The following GOT1 variants were observed in gnomAD, a reference collection of about 807,000 sequenced individuals.
The protein encoded by GOT1 is glutamic-oxaloacetic transaminase 1, also known as aspartate aminotransferase, cytoplasmic.
Under a neutral mutation model 48.2 loss-of-function variants are expected in GOT1, and 25 were observed. The ratio of observed to expected loss-of-function variants is 0.52; its 90% CI spans 0.38 to 0.72. The LOEUF (loss-of-function observed/expected upper bound fraction) is 0.72, where lower values mean the gene tolerates loss of function less well. Ranked by LOEUF, GOT1 falls within the 30% of genes least tolerant of loss-of-function variation. The probability of loss-of-function intolerance (pLI) is 0.00; values close to 1 mark genes in which losing one functional copy is unlikely to be tolerated. For synonymous variants in GOT1, 188 were observed against 193.8 expected (o/e 0.97, Z 0.25); for missense variants, 380 against 520.1 (o/e 0.73, Z 2.62).
intron 2 of GOT1, among the ~76,000 whole-genome samples, chr10:99,418,089 C>T (rs1169950655): frequency 6.6e-6 from 1 of 151,190 alleles, no homozygotes; most frequent in Non-Finnish European, 1.5e-5. Flanking sequence ...AAGAAGGGCT[C>T]AGAGCTCAAT....
rs2032620361 is a variant in GOT1 at position 99,397,838 on chromosome 10, G to A, written c.1103-152C>T. 4.4e-6 allele frequency: 3 copies of A among 684,700 alleles called. No individual in the cohort carries two copies. Among genetic ancestry groups the A allele is most frequent in the Admixed American group, 2.9e-5 (1 of 34,966 alleles). The allele number at this position is 684,700 out of a possible 1,614,324, so 42.4% of individuals were successfully genotyped here. A position where few individuals can be genotyped will look rare whatever the true frequency, so the allele number is the denominator to read the frequency against. ...CGCTATTTTGTCCAACTGACAAACAGAAAAATATGCTCACTAGATTCTGGA... is the reference window on the plus strand; with the variant it reads ...CGCTATTTTGTCCAACTGACAAACAAAAAAATATGCTCACTAGATTCTGGA... On this transcript the variant is annotated intron_variant, in intron 8 of 8. Transcript: ENST00000370508. This position sits in a 1 kb window ranked among gnomAD's most constrained non-coding sequence, Gnocchi z 5.4.
chr10:99,406,266 A>T lies in GOT1; in HGVS notation c.425-17T>A. Reference sequence around the variant, plus strand: ...TGTGATTCTCTGCATGCAAAGAAGTAAAAAGTTAAGCACTTTACAAACACT... The same window carrying T: ...TGTGATTCTCTGCATGCAAAGAAGTTAAAAGTTAAGCACTTTACAAACACT... On this transcript the variant is annotated splice_polypyrimidine_tract_variant and intron_variant, in intron 3 of 8. Coordinates refer to ENST00000370508, the MANE Select transcript of GOT1 (RefSeq NM_002079.3). 1 of 1,578,928 alleles carries T rather than the reference A, an allele frequency of 6.3e-7. No homozygotes were observed. The highest frequency in any genetic ancestry group is 8.7e-7 in the Non-Finnish European group (1 of 1,147,920).
chr10:99,420,447 G>A (rs920755556), intron 2 of GOT1, 177 bp downstream of exon 2: 38 of 562,402 alleles, frequency 6.8e-5, no homozygotes, highest in South Asian at 2.2e-4. Flanking sequence ...TGAAAAAGCC[G>A]TGCTTTGTAC....
chr10:99,403,649 C>G lies in GOT1; in HGVS notation c.794-15G>C. 1 of 1,613,966 alleles carries G rather than the reference C, an allele frequency of 6.2e-7. No individual in the cohort carries two copies. Among genetic ancestry groups the G allele is most frequent in the Non-Finnish European group, 8.5e-7 (1 of 1,179,886 alleles). The stretch of plus-strand genomic sequence containing the variant: ...GACTCTCTCATCTAAAGAGAGGGAC[C>G]AGAATCAGCTGTGGCTGCTGAAGCA... On this transcript the variant is annotated splice_polypyrimidine_tract_variant and intron_variant, in intron 6 of 8. Coordinates refer to ENST00000370508, the MANE Select transcript of GOT1 (RefSeq NM_002079.3).
chr10:99,412,446 G>A (rs2032838632), intron 2 of GOT1, among the ~76,000 whole-genome samples: 2 of 151,702 alleles, frequency 1.3e-5, no homozygotes, highest in African/African-American at 4.8e-5. Flanking sequence ...ACTAGAGGCA[G>A]GAAGGTAAAT....
intron 2 of GOT1, among the ~76,000 whole-genome samples, chr10:99,413,177 A>C (rs1444038643): frequency 6.6e-6 from 1 of 152,228 alleles, no homozygotes; most frequent in East Asian, 1.9e-4. Flanking sequence ...ATCGCAAAGA[A>C]GTTAAAAACC....
chr10:99,416,988 C>A (rs972846647), intron 2 of GOT1, among the ~76,000 whole-genome samples: 4 of 152,130 alleles, frequency 2.6e-5, no homozygotes, highest in African/African-American at 9.7e-5. Flanking sequence ...AGAAGAAAAC[C>A]TAGGCAATAC....
At chr10:99,423,573 C>T (rs889743421) in intron 1 of GOT1, among the ~76,000 whole-genome samples, 1 of 152,208 alleles carries the variant, frequency 6.6e-6, no homozygotes, top group Non-Finnish European at 1.5e-5. Flanking sequence ...GACCAAATGC[C>T]TCTGGGTAGG....
intron 1 of GOT1, among the ~76,000 whole-genome samples, chr10:99,421,496 C>T (rs1248834417): frequency 1.3e-5 from 2 of 152,216 alleles, no homozygotes; most frequent in African/African-American, 4.8e-5. Flanking sequence ...ACTTCATCTG[C>T]CTCACCCTTT....
intron 1 of GOT1, among the ~76,000 whole-genome samples, chr10:99,427,157 C>T (rs2033049412): frequency 6.6e-6 from 1 of 152,078 alleles, no homozygotes; most frequent in Non-Finnish European, 1.5e-5. Flanking sequence ...TTCATTTAAT[C>T]CTCAGACAAC....
intron 1 of GOT1, among the ~76,000 whole-genome samples, chr10:99,422,695 T>C (rs2032986520): frequency 1.3e-5 from 2 of 152,224 alleles, no homozygotes; most frequent in African/African-American, 4.8e-5. Flanking sequence ...TGCATTTCCC[T>C]ATGCCTACAC....
intron 1 of GOT1, 195 bp downstream of exon 1, chr10:99,430,253 T>C (rs1589946694): frequency 6.6e-7 from 1 of 1,510,356 alleles, no homozygotes; most frequent in Non-Finnish European, 8.9e-7. Context: ...ACATCGCCCC[T>C]TTCCAGGGAC....
chr10:99,427,325 G>A (rs892388585), intron 1 of GOT1, among the ~76,000 whole-genome samples: 19 of 152,218 alleles, frequency 1.2e-4, no homozygotes, highest in African/African-American at 4.3e-4. Context: ...CTGGAGTGCA[G>A]TGGCGCGATC....
intron 8 of GOT1, among the ~76,000 whole-genome samples, chr10:99,398,583 T>C (rs1317815784): frequency 2.6e-5 from 4 of 151,906 alleles, no homozygotes; most frequent in African/African-American, 9.7e-5. Flanking sequence ...GGCAGGAGAA[T>C]TGCTTGAAAC....
chr10:99,417,631 T>C (rs2032912895), intron 2 of GOT1, among the ~76,000 whole-genome samples: 1 of 152,232 alleles, frequency 6.6e-6, no homozygotes, highest in African/African-American at 2.4e-5. Context: ...CATGCATACA[T>C]ATGTTTATTG....
At chr10:99,419,207 G>C (rs950572656) in intron 2 of GOT1, among the ~76,000 whole-genome samples, 1 of 152,176 alleles carries the variant, frequency 6.6e-6, no homozygotes, top group African/African-American at 2.4e-5. Context: ...CTCAATGCAT[G>C]AATTACAGGC....
chr10:99,404,464 T>A (rs1291994705), intron 5 of GOT1, among the ~76,000 whole-genome samples: 2 of 152,160 alleles, frequency 1.3e-5, no homozygotes, highest in African/African-American at 4.8e-5. Flanking sequence ...GACTCCTAAC[T>A]CTGCAGCTCA....
intron 2 of GOT1, among the ~76,000 whole-genome samples, chr10:99,408,924 G>T (rs950401850): frequency 2.7e-4 from 41 of 152,032 alleles, no homozygotes; most frequent in Non-Finnish European, 3.8e-4. Flanking sequence ...AGATGTCTGG[G>T]ATTTACTATT....
intron 1 of GOT1, among the ~76,000 whole-genome samples, chr10:99,424,025 A>C: frequency 6.6e-6 from 1 of 152,078 alleles, no homozygotes; most frequent in East Asian, 1.9e-4. Context: ...CAAGTTCAAA[A>C]AGCCTCCTTC....
Sources: gnomAD v4.1 joint callset for allele counts (sites outside exome capture counted in the v4.1 genomes callset) on GRCh38, gnomAD v4.1.1 for gene constraint, Gnocchi (gnomAD v3.1) non-coding constraint, MANE v1.5 for transcripts, NCBI Gene and HGNC (gene_info 2026-07-23, HGNC 2026-07-21) for gene names.